Variants in BLTP1 observed in about 807,000 individuals in gnomAD.
BLTP1 encodes bridge-like lipid transfer protein family member 1.
the BLTP1 span, chr4:122,215,507 G>A: frequency 1.2e-5 from 12 of 985,242 alleles, no homozygotes; most frequent in Non-Finnish European, 1.4e-5. Flanking sequence ...TGGGACAGAG[G>A]TGATTTTCTG....
the BLTP1 span, among the ~76,000 whole-genome samples, chr4:122,319,193 T>TC: frequency 6.6e-6 from 1 of 152,106 alleles, no homozygotes; most frequent in Non-Finnish European, 1.5e-5. Context: ...TGTTGATTTT[T>TC]CTCTATTGAT....
the BLTP1 span, chr4:122,171,957 T>C: frequency 2.5e-5 from 25 of 982,920 alleles, no homozygotes; most frequent in African/African-American, 3.7e-4. Flanking sequence ...GTTGCCATTC[T>C]GAAGGACTCA....
chr4:122,318,117 C>A, the BLTP1 span: 35 of 1,580,132 alleles, frequency 2.2e-5, no homozygotes, highest in Non-Finnish European at 2.7e-5. Flanking sequence ...TATTTATTTA[C>A]AATAATTGCC....
At chr4:122,208,710 G>A in the BLTP1 span, 1 of 938,998 alleles carries the variant, frequency 1.1e-6, no homozygotes, top group Non-Finnish European at 1.3e-6. Flanking sequence ...TTTAGTCAAT[G>A]TAAAATCTTA....
At chr4:122,304,818 T>C in the BLTP1 span, 3 of 1,613,854 alleles carry the variant, frequency 1.9e-6, no homozygotes, top group South Asian at 2.2e-5. Flanking sequence ...TAACGGCCAC[T>C]ACTCCATCAA....
At chr4:122,268,941 C>T in the BLTP1 span, 1 of 167,164 alleles carries the variant, frequency 6.0e-6, no homozygotes, top group Non-Finnish European at 1.2e-5. Context: ...TAAGTTTGTG[C>T]TTTATGCAGT....
the BLTP1 span, among the ~76,000 whole-genome samples, chr4:122,267,897 TG>T: frequency 6.6e-6 from 1 of 152,176 alleles, no homozygotes; most frequent in African/African-American, 2.4e-5. Flanking sequence ...TCTGTAGTAT[TG>T]TTTCTTTCAT....
chr4:122,306,745 T>C, the BLTP1 span: 1 of 889,084 alleles, frequency 1.1e-6, no homozygotes, highest in Non-Finnish European at 1.3e-6. Context: ...AAGAAAATAA[T>C]GGGAAAGAAG....
the BLTP1 span, chr4:122,298,726 A>G: frequency 4.5e-6 from 2 of 441,536 alleles, no homozygotes; most frequent in Non-Finnish European, 6.0e-6. Flanking sequence ...GTTAAGTAGT[A>G]TAAATAGAGG....
chr4:122,210,843 C>T, the BLTP1 span: 1 of 1,593,668 alleles, frequency 6.3e-7, no homozygotes, highest in Non-Finnish European at 8.5e-7. Flanking sequence ...TCTTTTGTCC[C>T]CCACCCCTCA....
chr4:122,260,263 T>C, the BLTP1 span, among the ~76,000 whole-genome samples: 3 of 152,232 alleles, frequency 2.0e-5, no homozygotes, highest in Non-Finnish European at 4.4e-5. Flanking sequence ...TATAATCTTA[T>C]GGGTTCACTG....
chr4:122,314,990 A>G, the BLTP1 span, among the ~76,000 whole-genome samples: 1 of 152,076 alleles, frequency 6.6e-6, no homozygotes, highest in Non-Finnish European at 1.5e-5. Context: ...CCTCTTGGCT[A>G]CTTGTTTTTC....
chr4:122,168,570 C>T, the BLTP1 span, among the ~76,000 whole-genome samples: 1 of 151,368 alleles, frequency 6.6e-6, no homozygotes, highest in Non-Finnish European at 1.5e-5. Flanking sequence ...AAAGTATTTG[C>T]TTCCTTTTTA....
At chr4:122,170,305 C>CAAAAAAAAAAAAAAAAAAAAAAAAAAAA in the BLTP1 span, 1 of 670,148 alleles carries the variant, frequency 1.5e-6, no homozygotes, top group Non-Finnish European at 1.7e-6. Flanking sequence ...AACTCCTTCT[C>CAAAAAAAAAAAAAAAAAAAAAAAAAAAA]AAAAAAAAAA....
chr4:122,267,125 C>T, the BLTP1 span, among the ~76,000 whole-genome samples: 1 of 126,116 alleles, frequency 7.9e-6, no homozygotes, highest in Admixed American at 9.7e-5. Context: ...GTGGCGCAAT[C>T]TCGGCTTACT....
chr4:122,199,794 C>A, the BLTP1 span: 1 of 381,218 alleles, frequency 2.6e-6, no homozygotes, highest in Non-Finnish European at 3.6e-6. Context: ...TGTTTTCTAG[C>A]CCCGCTGGAT....
At chr4:122,236,693 T>C in the BLTP1 span, 346 of 852,476 alleles carry the variant, frequency 4.1e-4, no homozygotes, top group Non-Finnish European at 4.8e-4. Context: ...CAAGAAAGAA[T>C]ATTTGCAGGG....
chr4:122,170,424 A>G, the BLTP1 span: 1 of 975,466 alleles, frequency 1.0e-6, no homozygotes, highest in East Asian at 1.1e-4. Flanking sequence ...CATTACAAGT[A>G]TGATCCATTC....
the BLTP1 span, chr4:122,345,969 TAAA>T: frequency 1.0e-6 from 1 of 968,278 alleles, no homozygotes; most frequent in Non-Finnish European, 1.2e-6. Flanking sequence ...ACTTAGAAAA[TAAA>T]GAAGGAAATG....
Sources: gnomAD v4.1 joint callset for allele counts (sites outside exome capture counted in the v4.1 genomes callset) on GRCh38, gnomAD v4.1.1 for gene constraint, MANE v1.5 for transcripts, NCBI Gene and HGNC (gene_info 2026-07-23, HGNC 2026-07-21) for gene names.